Variants in NRK observed in about 807,000 individuals in gnomAD.
NRK encodes Nik related kinase.
A neutral mutation model predicts 125.2 loss-of-function variants in NRK; 67 were observed. The ratio of observed to expected loss-of-function variants is 0.54; its 90% CI spans 0.44 to 0.66. The LOEUF is 0.66. Among genes scored for constraint, NRK ranks in the 30% least tolerant of loss-of-function variants. NRK has a pLI of 0.00. For synonymous variants in NRK, 458 were observed against 429.0 expected, an observed-to-expected ratio of 1.07 and a Z score of -0.84; for missense variants, 1,224 against 1,192.9, an observed-to-expected ratio of 1.03 and a Z score of -0.38.
chrX:105,868,102 T>C (rs2039695944), intron 2 of NRK, among the ~76,000 whole-genome samples: 1 of 111,447 alleles, frequency 9.0e-6, no homozygotes, highest in Non-Finnish European at 1.9e-5. Context: ...CTACATATCA[T>C]ATAGGTAGTA....
At position 105,955,676 on chromosome X, in the gene NRK, A is replaced by G; in HGVS notation, c.*76A>G. ...TGCATCTTCAGATTTCAGAGATTAA[A>G]TGAGTATTCAGTTTTATTTTTAGTA... On this transcript the variant is annotated 3_prime_UTR_variant, in exon 29 of 29. Coordinates refer to ENST00000243300, the MANE Select transcript of NRK (RefSeq NM_198465.4). 2 of 516,506 alleles carry G rather than the reference A, an allele frequency of 3.9e-6. No homozygotes were observed. Among genetic ancestry groups the G allele is most frequent in the Admixed American group, 6.0e-5 (2 of 33,128 alleles). The allele number at this position is 516,506 out of a possible 1,213,427, so 42.6% of individuals were successfully genotyped here.
chrX:105,826,248 AT>A (rs2039099635), intron 1 of NRK, among the ~76,000 whole-genome samples: 1 of 84,909 alleles, frequency 1.2e-5, no homozygotes. Context: ...TATAATATAT[AT>A]GATAATATAT....
intron 26 of NRK, among the ~76,000 whole-genome samples, chrX:105,947,723 T>C (rs898396622): frequency 1.8e-5 from 2 of 112,011 alleles, no homozygotes; most frequent in African/African-American, 6.5e-5. Flanking sequence ...TTTAGCAGTT[T>C]AGCATTATAC....
rs1459088908 is a variant in NRK, at chrX:105,957,833, T to C, written c.*2233T>C. 1 of 112,493 alleles carries C rather than the reference T, an allele frequency of 8.9e-6. No homozygotes were observed. Among genetic ancestry groups the C allele is most frequent in the African/African-American group, 3.2e-5 (1 of 31,012 alleles). The allele number at this position is 112,493 out of a possible 1,213,427, so 9.3% of individuals were successfully genotyped here. On this transcript the variant is annotated 3_prime_UTR_variant, in exon 29 of 29. Coordinates refer to ENST00000243300, the MANE Select transcript of NRK (RefSeq NM_198465.4). ...TGAATATTTCTGACTTAGATGTAAA[T>C]CCATCTGGAATCTTTACATCCTTTG...
At chrX:105,838,510 A>G (rs771681426) in intron 2 of NRK, among the ~76,000 whole-genome samples, 1 of 110,890 alleles carries the variant, frequency 9.0e-6, no homozygotes, top group African/African-American at 3.3e-5. Context: ...TCAGTCACCT[A>G]CTCCTACGTT....
chrX:105,941,188 A>T (rs757758954), intron 23 of NRK, among the ~76,000 whole-genome samples: 54 of 111,383 alleles, frequency 4.8e-4, no homozygotes, highest in Admixed American at 4.8e-4. Context: ...AGTTACTCAT[A>T]TTGCAAATCT....
At position 105,899,977 on chromosome X, in the gene NRK, A is replaced by T. The variant is rs182394041; in HGVS notation, c.712-641A>T. 1.5e-3 allele frequency among the ~76,000 whole-genome samples: 169 copies of T among 110,626 alleles called. 1 individual carries two copies. Among genetic ancestry groups the T allele is most frequent in the Middle Eastern group, 9.3e-3 (2 of 216 alleles). ...AGTGAGACTCTGTCTCAAGGAAGAA[A>T]AAAAAAGAGAATTCAGTAAACCTGT... On this transcript the variant is annotated intron_variant, in intron 8 of 28. Coordinates refer to ENST00000243300, the MANE Select transcript of NRK (RefSeq NM_198465.4).
At chrX:105,951,397 T>C (rs1489669587) in intron 27 of NRK, among the ~76,000 whole-genome samples, 1 of 111,234 alleles carries the variant, frequency 9.0e-6, no homozygotes, top group Non-Finnish European at 1.9e-5. Context: ...CTACTTTAAG[T>C]TGCTAGAATT....
chrX:105,857,558 A>G (rs2039546236), intron 2 of NRK, among the ~76,000 whole-genome samples: 1 of 111,684 alleles, frequency 9.0e-6, no homozygotes, highest in African/African-American at 3.2e-5. Flanking sequence ...GATAGTATTT[A>G]TATTAATTTG....
Position 105,909,036 on chromosome X carries a change from T to G in NRK, c.1395T>G (p.Ile465Met), listed in dbSNP as rs776788674. 3 of 1,207,836 alleles carry G rather than the reference T, an allele frequency of 2.5e-6. No individual in the cohort carries two copies. Among genetic ancestry groups the G allele is most frequent in the Admixed American group, 4.4e-5 (2 of 45,605 alleles). ...AKASKPLQMQIKAPPRLRRAA... is the reference protein window; with the variant it reads ...AKASKPLQMQMKAPPRLRRAA... ...CCTCTAAACCTCTACAAATGCAGAT[T>G]AAGGCACCTCCACGACTACGGAGGG... is the stretch of plus-strand genomic sequence containing the variant. Residue 465 changes from isoleucine (I) to methionine (M), a missense_variant, in exon 13 of 29, where the codon ATT (isoleucine) becomes ATG (methionine). Physicochemically the swap from Ile to Met is conservative, Grantham distance 10. Transcript: ENST00000243300.
intron 28 of NRK, among the ~76,000 whole-genome samples, chrX:105,953,847 G>A (rs1014135633): frequency 2.7e-5 from 3 of 111,380 alleles, no homozygotes; most frequent in Non-Finnish European, 5.7e-5. Flanking sequence ...GTCCTAATAG[G>A]ATTAGGAAAC....
intron 2 of NRK, among the ~76,000 whole-genome samples, chrX:105,850,899 C>T (rs2039463338): frequency 8.9e-6 from 1 of 112,282 alleles, no homozygotes; most frequent in Admixed American, 9.5e-5. Context: ...CCAAACTGTT[C>T]CAACCTCTGC....
intron 2 of NRK, among the ~76,000 whole-genome samples, chrX:105,867,536 G>T (rs2039688115): frequency 2.7e-5 from 3 of 111,973 alleles, no homozygotes; most frequent in Admixed American, 1.9e-4. Flanking sequence ...ACACATAAAT[G>T]GTTAAAATAA....
chrX:105,869,449 C>T (rs2039714659), intron 2 of NRK, among the ~76,000 whole-genome samples: 1 of 111,177 alleles, frequency 9.0e-6, no homozygotes, highest in African/African-American at 3.3e-5. Context: ...CTGCTTCTCT[C>T]ATTTTCTCTT....
chrX:105,881,595 G>A, intron 3 of NRK, 113 bp from the exon 4 acceptor site: 1 of 407,418 alleles, frequency 2.5e-6, no homozygotes, highest in Non-Finnish European at 4.3e-6. Context: ...ATTGAGAGAG[G>A]AATAATGTTA....
intron 19 of NRK, among the ~76,000 whole-genome samples, chrX:105,928,657 T>C (rs2040555394): frequency 9.0e-6 from 1 of 111,583 alleles, no homozygotes. Flanking sequence ...CTGCTTTTGC[T>C]GTCTCCTATA....
At chrX:105,902,994 G>T (rs181640757) in intron 9 of NRK, among the ~76,000 whole-genome samples, 1 of 111,320 alleles carries the variant, frequency 9.0e-6, no homozygotes. Flanking sequence ...CCTAGTTTCT[G>T]GGTAGGAATT....
At chrX:105,916,760 A>G (rs1027203241) in intron 15 of NRK, among the ~76,000 whole-genome samples, 1 of 111,867 alleles carries the variant, frequency 8.9e-6, no homozygotes, top group Non-Finnish European at 1.9e-5. Context: ...TGGTTTTGGT[A>G]TCATGGAACA....
intron 7 of NRK, among the ~76,000 whole-genome samples, chrX:105,897,300 A>T (rs943733726): frequency 1.8e-5 from 2 of 112,651 alleles, no homozygotes; most frequent in Admixed American, 9.4e-5. Flanking sequence ...TTTAAGCAAC[A>T]TAGTATAAGA....
Sources: allele counts gnomAD v4.1 joint callset (sites outside exome capture counted in the v4.1 genomes callset), GRCh38; gene constraint gnomAD v4.1.1; transcripts MANE v1.5; gene names NCBI Gene and HGNC (gene_info 2026-07-23, HGNC 2026-07-21).